GLRA3: variants seen among roughly 807,000 people sequenced by gnomAD.
GLRA3 encodes glycine receptor subunit alpha-3.
Under a neutral mutation model 60.4 loss-of-function variants are expected in GLRA3, and 44 were observed. The ratio of observed to expected loss-of-function variants is 0.73; its 90% CI spans 0.57 to 0.94. The LOEUF is 0.94. Ranked by LOEUF, GLRA3 falls within the 40% of genes least tolerant of loss-of-function variation. The pLI, the probability that GLRA3 is intolerant of heterozygous loss-of-function variation, is 0.00. For missense variants in GLRA3, 508 were observed against 564.6 expected (o/e 0.90, Z 1.02); for synonymous variants, 223 against 192.9 (o/e 1.16, Z -1.29).
chr4:174,686,607 G>A (rs1301939782), intron 5 of GLRA3, among the ~76,000 whole-genome samples: 3 of 152,136 alleles, frequency 2.0e-5, no homozygotes, highest in Non-Finnish European at 2.9e-5. Flanking sequence ...TATTATTGCC[G>A]AGTAAAGAGT....
At chr4:174,713,487 A>AAC (rs1735798178) in intron 5 of GLRA3, 2 of 151,938 alleles carry the variant, frequency 1.3e-5, no homozygotes, top group East Asian at 3.9e-4. Flanking sequence ...CTTCCTCATC[A>AAC]CTCACCTAAA....
chr4:174,685,213 TCCAC>T (rs1734509324), intron 5 of GLRA3, among the ~76,000 whole-genome samples: 1 of 151,852 alleles, frequency 6.6e-6, no homozygotes, highest in Non-Finnish European at 1.5e-5. Flanking sequence ...CTGATCACCT[TCCAC>T]CCTCCCCAAT....
chr4:174,763,281 T>C (rs1738005347), intron 3 of GLRA3, among the ~76,000 whole-genome samples: 3 of 152,174 alleles, frequency 2.0e-5, no homozygotes, highest in Admixed American at 2.0e-4. Context: ...TCCATGTAAC[T>C]GCTACCTTCC....
intron 5 of GLRA3, among the ~76,000 whole-genome samples, chr4:174,701,427 A>G (rs1022467854): frequency 7.2e-5 from 11 of 152,190 alleles, no homozygotes; most frequent in African/African-American, 2.7e-4. Context: ...CAGTCAACCA[A>G]GAGCTCTGAT....
At chr4:174,721,007 T>TTGTGTGTGTGTGTGTGTG (rs10639932) in intron 4 of GLRA3, among the ~76,000 whole-genome samples, 3 of 141,558 alleles carry the variant, frequency 2.1e-5, no homozygotes, top group African/African-American at 7.6e-5. Context: ...TGTGTGAACT[T>TTGTGTGTGTGTGTGTGTG]TGTGTGTGTG....
chr4:174,788,721 A>C, intron 2 of GLRA3, 95 bp downstream of exon 2: 1 of 768,188 alleles, frequency 1.3e-6, no homozygotes, highest in Non-Finnish European at 1.9e-6. Context: ...ATTGTTGAAA[A>C]TAAGCATTAG....
At chr4:174,777,510 A>G (rs1041192292) in intron 2 of GLRA3, among the ~76,000 whole-genome samples, 8 of 152,196 alleles carry the variant, frequency 5.3e-5, no homozygotes, top group African/African-American at 1.9e-4. Context: ...GACAGTGAAA[A>G]GATCATTGAT....
At chr4:174,789,073 C>T in intron 1 of GLRA3, 130 bp from the exon 2 acceptor site, 1 of 537,604 alleles carries the variant, frequency 1.9e-6, no homozygotes, top group Admixed American at 3.7e-5. Context: ...AGATATCATA[C>T]AGTGAAGATT....
chr4:174,728,703 G>T lies in GLRA3; in HGVS notation c.268-5C>A. On this transcript the variant is annotated splice_region_variant and splice_polypyrimidine_tract_variant and intron_variant, in intron 3 of 9. Transcript: ENST00000274093. ...AAAGATATTCACTCTGTAATCCTAT[G>T]ATAAAATAATGAAAGAAAGAAAAAA... is the stretch of plus-strand genomic sequence containing the variant. 1.4e-6 allele frequency: 2 copies of T among 1,465,492 alleles called. No homozygotes were observed. Among genetic ancestry groups the T allele is most frequent in the Non-Finnish European group, 1.9e-6 (2 of 1,077,126 alleles). The allele number at this position is 1,465,492 out of a possible 1,614,324, so 90.8% of individuals were successfully genotyped here.
rs535739681 is a variant in GLRA3 at position 174,747,196 on chromosome 4, G to A, written c.268-18498C>T. Among the ~76,000 whole-genome samples, 7 of 152,266 alleles carry A rather than the reference G, an allele frequency of 4.6e-5. No individual in the cohort carries two copies. In the South Asian group the frequency reaches 1.5e-3, roughly 32 times the overall value. ...GGAGTGGCCATGTGACCTAAGAGGTGAATATCAAAGAGTTAGACAACGAGG... is the reference window on the plus strand; with the variant it reads ...GGAGTGGCCATGTGACCTAAGAGGTAAATATCAAAGAGTTAGACAACGAGG... On this transcript the variant is annotated intron_variant, in intron 3 of 9. Transcript: ENST00000274093.
chr4:174,808,150 A>T (rs2111360584), intron 1 of GLRA3, among the ~76,000 whole-genome samples: 1 of 152,246 alleles, frequency 6.6e-6, no homozygotes, highest in Middle Eastern at 3.4e-3. Context: ...TTGAAAAAGC[A>T]CTTAAAGCCA....
At chr4:174,779,035 AAGAC>A (rs1259550169) in intron 2 of GLRA3, among the ~76,000 whole-genome samples, 2 of 152,292 alleles carry the variant, frequency 1.3e-5, no homozygotes, top group Admixed American at 1.3e-4. Context: ...GACAAACAAA[AAGAC>A]AGCAGTAACT....
At chr4:174,796,586 GAGTGCAGAGGCGCGATCTTGGC>G (rs1428135637) in intron 1 of GLRA3, among the ~76,000 whole-genome samples, 4 of 151,636 alleles carry the variant, frequency 2.6e-5, no homozygotes, top group Non-Finnish European at 4.4e-5. Flanking sequence ...CACCAGGCTG[GAGTGCAGAGGCGCGATCTTGGC>G]TGACTGAAAC....
Position 174,654,831 on chromosome 4 carries a change from T to C in GLRA3, c.1116+1912A>G, listed in dbSNP as rs60251738. On this transcript the variant is annotated intron_variant, in intron 9 of 9. Transcript: ENST00000274093. ...CACACAGCACTGGAGATAGCATCCA[T>C]GACATGGTGCAGTGCGTAATCAGCA... 1.5e-3 allele frequency among the ~76,000 whole-genome samples: 235 copies of C among 152,140 alleles called. 3 individuals are homozygous for C. Among genetic ancestry groups the C allele is most frequent in the African/African-American group, 5.5e-3 (227 of 41,524 alleles).
chr4:174,693,813 G>A lies in GLRA3; in HGVS notation c.575-10874C>T, dbSNP rs192756619. ...AGTGGCAAGCTGGATTTAAAAAAAA[G>A]ACCTAATAGTATACTGTCCTCAAGA... On this transcript the variant is annotated intron_variant, in intron 5 of 9. Coordinates refer to ENST00000274093, the MANE Select transcript of GLRA3 (RefSeq NM_006529.4). Among the ~76,000 whole-genome samples, 1,039 of 152,154 alleles carry A rather than the reference G, an allele frequency of 6.8e-3. 7 individuals carry two copies. Among genetic ancestry groups the A allele is most frequent in the Middle Eastern group, 0.024 (7 of 292 alleles).
At chr4:174,752,749 T>G (rs1216542400) in intron 3 of GLRA3, among the ~76,000 whole-genome samples, 1 of 152,156 alleles carries the variant, frequency 6.6e-6, no homozygotes, top group East Asian at 1.9e-4. Context: ...GATTTATCAG[T>G]GAATATTTTC....
intron 7 of GLRA3, among the ~76,000 whole-genome samples, chr4:174,660,225 C>T (rs942267507): frequency 1.3e-5 from 2 of 152,008 alleles, no homozygotes; most frequent in African/African-American, 2.4e-5. Context: ...TCAAGAATGC[C>T]CTTTTTAATT....
chr4:174,691,673 C>T (rs376474921), intron 5 of GLRA3, among the ~76,000 whole-genome samples: 2,808 of 152,318 alleles, frequency 0.018, 39 homozygotes, highest in Middle Eastern at 0.024. Flanking sequence ...GGATTGCAGA[C>T]GGAGTCTGGT....
At chr4:174,760,038 G>A (rs1737878392) in intron 3 of GLRA3, among the ~76,000 whole-genome samples, 1 of 152,102 alleles carries the variant, frequency 6.6e-6, no homozygotes, top group Non-Finnish European at 1.5e-5. Flanking sequence ...CAAAAAGAAT[G>A]CCTTGAAGAG....
Sources: gnomAD v4.1 joint callset for allele counts (sites outside exome capture counted in the v4.1 genomes callset) on GRCh38, gnomAD v4.1.1 for gene constraint, MANE v1.5 for transcripts, NCBI Gene and HGNC (gene_info 2026-07-23, HGNC 2026-07-21) for gene names.